Variants in CTTNBP2 observed in about 807,000 individuals in gnomAD.
CTTNBP2 encodes cortactin binding protein 2, also known as cortactin-binding protein 2.
Under a neutral mutation model 156.9 loss-of-function variants are expected in CTTNBP2, and 108 were observed. That is an observed-to-expected ratio of 0.69 (90% CI 0.59 to 0.81). CTTNBP2 has a LOEUF of 0.81. Among genes scored for constraint, CTTNBP2 ranks in the 30% least tolerant of loss-of-function variants. The pLI is 0.00. For synonymous variants in CTTNBP2, 767 were observed against 751.8 expected, an observed-to-expected ratio of 1.02 and a Z score of -0.33; for missense variants, 1,924 against 2,035.4, an observed-to-expected ratio of 0.95 and a Z score of 1.05.
intron 10 of CTTNBP2, chr7:117,760,226 T>C: frequency 1.8e-6 from 1 of 563,588 alleles, no homozygotes. Context: ...ACTCTCTGAG[T>C]ATTATTTGGG....
chr7:117,712,754 T>C (rs1189204941), intron 22 of CTTNBP2, among the ~76,000 whole-genome samples: 1 of 152,220 alleles, frequency 6.6e-6, no homozygotes, highest in African/African-American at 2.4e-5. Flanking sequence ...GGAGCTTTAA[T>C]AGTCATTGGC....
At position 117,873,370 on chromosome 7, in the gene CTTNBP2, G is replaced by A; in HGVS notation, c.46C>T (p.Pro16Ser). ...ASCEPDLSRAPEDAAGAAAEA... is the reference protein window; with the variant it reads ...ASCEPDLSRASEDAAGAAAEA... ...GCCGCGGCCCCCGCCGCGTCCTCCG[G>A]GGCCCGGGACAAGTCGGGCTCGCAG... The change falls in exon 1 of 23, where the codon CCG becomes TCG. Residue 16 changes from proline (P) to serine (S), a missense_variant. Coordinates refer to ENST00000160373, the MANE Select transcript of CTTNBP2 (RefSeq NM_033427.3). 1 of 1,478,152 alleles carries A rather than the reference G, an allele frequency of 6.8e-7. No homozygotes were observed. 91.6% of individuals were successfully genotyped at this position (1,478,152 alleles called of 1,614,324 possible). A position where few individuals can be genotyped will look rare whatever the true frequency, so the allele number is the denominator to read the frequency against.
At chr7:117,783,507 T>C (rs889044528) in intron 5 of CTTNBP2, among the ~76,000 whole-genome samples, 4 of 152,208 alleles carry the variant, frequency 2.6e-5, no homozygotes, top group African/African-American at 9.6e-5. Context: ...AAATATCACC[T>C]AGATGTCACA....
intron 2 of CTTNBP2, among the ~76,000 whole-genome samples, chr7:117,849,700 T>C (rs1284576916): frequency 6.6e-6 from 1 of 152,162 alleles, no homozygotes; most frequent in Admixed American, 6.5e-5. Context: ...GTTCTATTCA[T>C]TAAGGTACTC....
chr7:117,752,413 G>A (rs960983634), intron 12 of CTTNBP2, among the ~76,000 whole-genome samples: 4 of 152,102 alleles, frequency 2.6e-5, no homozygotes, highest in Admixed American at 2.6e-4. Flanking sequence ...TTAAGTTAAT[G>A]CAAAAAATTC....
At chr7:117,783,058 A>T in intron 5 of CTTNBP2, 97 bp from the exon 6 acceptor site, 1 of 799,680 alleles carries the variant, frequency 1.3e-6, no homozygotes, top group Non-Finnish European at 2.1e-6. Flanking sequence ...TCCCAAAGGG[A>T]CTCTCCCCTG....
chr7:117,711,056 C>A lies in CTTNBP2; in HGVS notation c.*481G>T, dbSNP rs1794026958. The A allele has an allele frequency of 6.5e-6, 1 of 152,826 alleles. No homozygotes were observed. The highest frequency in any genetic ancestry group is 6.5e-5 in the Admixed American group (1 of 15,300). The allele number at this position is 152,826 out of a possible 1,614,324, so 9.5% of individuals were successfully genotyped here. A position where few individuals can be genotyped will look rare whatever the true frequency, so the allele number is the denominator to read the frequency against. On this transcript the variant is annotated 3_prime_UTR_variant, in exon 23 of 23. Transcript: ENST00000160373. ...GTTTAGAAATGATTTGTTATTGCCC[C>A]ATTCTAGTCATTCCCCATCAAGTGA...
chr7:117,728,035 T>G, intron 17 of CTTNBP2, 54 bp downstream of exon 17: 4 of 1,514,606 alleles, frequency 2.6e-6, no homozygotes, highest in Non-Finnish European at 3.6e-6. Flanking sequence ...CTCAAACATC[T>G]GAATTGGCCA....
At chr7:117,804,787 A>G (rs1294912825) in intron 3 of CTTNBP2, among the ~76,000 whole-genome samples, 1 of 152,216 alleles carries the variant, frequency 6.6e-6, no homozygotes, top group African/African-American at 2.4e-5. Context: ...GCAGGGGTAG[A>G]GCATCAGGAA....
intron 5 of CTTNBP2, 68 bp downstream of exon 5, chr7:117,784,183 A>G (rs1162520052): frequency 1.6e-6 from 2 of 1,225,850 alleles, no homozygotes; most frequent in Admixed American, 5.1e-5. Flanking sequence ...GCTCATTACA[A>G]TTGATACATG....
At chr7:117,864,985 C>T (rs1804068138) in intron 1 of CTTNBP2, among the ~76,000 whole-genome samples, 1 of 146,044 alleles carries the variant, frequency 6.8e-6, no homozygotes, top group Non-Finnish European at 1.5e-5. Flanking sequence ...CATATATATT[C>T]ATATATATAT....
chr7:117,798,632 G>A (rs1563018945), intron 3 of CTTNBP2, among the ~76,000 whole-genome samples: 1 of 152,064 alleles, frequency 6.6e-6, no homozygotes, highest in Non-Finnish European at 1.5e-5. Context: ...GTTTACTTTA[G>A]AAGAGCTGCC....
Position 117,710,896 on chromosome 7 carries a change from G to A in CTTNBP2, c.*641C>T, listed in dbSNP as rs1234680727. On this transcript the variant is annotated 3_prime_UTR_variant, in exon 23 of 23. Coordinates refer to ENST00000160373, the MANE Select transcript of CTTNBP2 (RefSeq NM_033427.3). ...CATTATAATTTCATATTTTACAGGA[G>A]TCATAATGCAAACTTATAAGCATAA... 6.6e-6 allele frequency: 1 copy of A among 152,498 alleles called. No individual in the cohort carries two copies. Among genetic ancestry groups the A allele is most frequent in the African/African-American group, 2.4e-5 (1 of 41,418 alleles). 9.4% of individuals were successfully genotyped at this position (152,498 alleles called of 1,614,324 possible).
At position 117,772,651 on chromosome 7, in the gene CTTNBP2, C is replaced by G. The variant is rs1043393240; in HGVS notation, c.2778+4860G>C. 2.6e-5 allele frequency among the ~76,000 whole-genome samples: 4 copies of G among 152,150 alleles called. No individual in the cohort carries two copies. In the East Asian group the frequency reaches 7.7e-4, roughly 29 times the overall value. ...TACTGAGAAAACTGGAAAGTTTGTTCCCCTGGTTACCAAGGAAAGCACCTG... is the reference window on the plus strand; with the variant it reads ...TACTGAGAAAACTGGAAAGTTTGTTGCCCTGGTTACCAAGGAAAGCACCTG... On this transcript the variant is annotated intron_variant, in intron 8 of 22. Transcript: ENST00000160373.
chr7:117,783,807 C>A (rs1798558186), intron 5 of CTTNBP2, among the ~76,000 whole-genome samples: 1 of 152,088 alleles, frequency 6.6e-6, no homozygotes, highest in Non-Finnish European at 1.5e-5. Context: ...ATCGATATAC[C>A]ATTTATAGTT....
At chr7:117,727,993 T>G (rs1584904979) in intron 17 of CTTNBP2, 96 bp downstream of exon 17, 5 of 1,072,196 alleles carry the variant, frequency 4.7e-6, no homozygotes, top group Non-Finnish European at 6.8e-6. Context: ...TGACAGGAGG[T>G]GGCACAAGGC....
intron 8 of CTTNBP2, among the ~76,000 whole-genome samples, chr7:117,772,732 C>T (rs1465484792): frequency 1.3e-5 from 2 of 152,118 alleles, no homozygotes; most frequent in African/African-American, 4.8e-5. Flanking sequence ...TTTAGAATCC[C>T]TATAGATTAT....
At chr7:117,729,575 A>G (rs1795291359) in intron 16 of CTTNBP2, among the ~76,000 whole-genome samples, 1 of 152,238 alleles carries the variant, frequency 6.6e-6, no homozygotes, top group Admixed American at 6.5e-5. Context: ...GAAACAAAAG[A>G]AAAGGTGTGA....
chr7:117,782,023 A>G (rs1258135715), intron 6 of CTTNBP2, among the ~76,000 whole-genome samples: 4 of 152,226 alleles, frequency 2.6e-5, no homozygotes, highest in African/African-American at 9.6e-5. Context: ...TGCTCTACAT[A>G]AATAATTCAT....
Sources: gnomAD v4.1 joint callset for allele counts (sites outside exome capture counted in the v4.1 genomes callset) on GRCh38, gnomAD v4.1.1 for gene constraint, MANE v1.5 for transcripts, NCBI Gene and HGNC (gene_info 2026-07-23, HGNC 2026-07-21) for gene names.